Variants in ARFGEF2 observed in about 807,000 individuals in gnomAD.
ARFGEF2 encodes brefeldin A-inhibited guanine nucleotide-exchange protein 2.
ARFGEF2 carries 74 observed loss-of-function variants against 219.9 expected under a neutral mutation model. That is an observed-to-expected ratio of 0.34 (90% confidence interval 0.28 to 0.41). The LOEUF (loss-of-function observed/expected upper bound fraction) is 0.41. Ranked by LOEUF, ARFGEF2 falls within the 10% of genes least tolerant of loss-of-function variation. ARFGEF2 has a pLI of 1.00. For missense variants in ARFGEF2, 1,743 were observed against 2,218.3 expected (o/e 0.79, Z 4.30); for synonymous variants, 733 against 799.2 (o/e 0.92, Z 1.40).
intron 15 of ARFGEF2, 93 bp downstream of exon 15, chr20:48,984,933 T>C (rs2091318008): frequency 6.3e-7 from 1 of 1,599,076 alleles, no homozygotes; most frequent in Admixed American, 1.7e-5. Flanking sequence ...TGGCCCTAAG[T>C]ACATTGTCTG....
intron 6 of ARFGEF2, among the ~76,000 whole-genome samples, chr20:48,961,513 GA>G (rs1244069590): frequency 6.6e-6 from 1 of 152,086 alleles, no homozygotes; most frequent in Non-Finnish European, 1.5e-5. Flanking sequence ...ACCTGCCTGA[GA>G]CTTTTTTACA....
chr20:49,004,494 GA>G (rs972305937), intron 25 of ARFGEF2, among the ~76,000 whole-genome samples: 11 of 145,624 alleles, frequency 7.6e-5, no homozygotes, highest in East Asian at 2.0e-4. Flanking sequence ...AATAGCAAAA[GA>G]AAAAAAAAAG....
chr20:49,013,990 T>G, intron 30 of ARFGEF2, 30 bp downstream of exon 30: 3 of 1,613,362 alleles, frequency 1.9e-6, no homozygotes, highest in Non-Finnish European at 2.5e-6. Flanking sequence ...CTGCCCTAGG[T>G]ATGATGGAGA....
chr20:48,945,754 C>T (rs569764809), intron 3 of ARFGEF2, among the ~76,000 whole-genome samples: 3 of 152,280 alleles, frequency 2.0e-5, no homozygotes, highest in African/African-American at 7.2e-5. Context: ...GTCCCAGTTA[C>T]TCAGAAGGCA....
chr20:48,970,849 G>A (rs2091222804), intron 9 of ARFGEF2, among the ~76,000 whole-genome samples: 3 of 152,022 alleles, frequency 2.0e-5, no homozygotes, highest in Non-Finnish European at 4.4e-5. Flanking sequence ...TGCAGAACTC[G>A]CTCTCCAGAA....
rs1005420995 is a variant in ARFGEF2 at position 48,993,527 on chromosome 20, T to C, written c.2974-924T>C. On this transcript the variant is annotated intron_variant, in intron 21 of 38. Coordinates refer to ENST00000371917, the MANE Select transcript of ARFGEF2 (RefSeq NM_006420.3). Reference sequence around the variant, plus strand: ...AGTGGTATAGTGGAGTCCTGGACTCTGGGACTGAGTTGTAAGGTCAGCGTA... The same window carrying C: ...AGTGGTATAGTGGAGTCCTGGACTCCGGGACTGAGTTGTAAGGTCAGCGTA... Among the ~76,000 whole-genome samples, 5 of 152,352 alleles carry C rather than the reference T, an allele frequency of 3.3e-5. No individual in the cohort carries two copies. The East Asian group carries it at 9.6e-4, about 29-fold the overall frequency.
intron 1 of ARFGEF2, among the ~76,000 whole-genome samples, chr20:48,928,143 G>A (rs1299835615): frequency 6.6e-6 from 1 of 151,882 alleles, no homozygotes; most frequent in African/African-American, 2.4e-5. Context: ...CACAGTACCT[G>A]GCACCTAACA....
At chr20:48,988,417 T>A in intron 17 of ARFGEF2, 29 bp downstream of exon 17, 1 of 1,611,742 alleles carries the variant, frequency 6.2e-7, no homozygotes, top group South Asian at 1.1e-5. Context: ...TTACATGTTG[T>A]ATTAGCTAAA....
Position 49,017,243 on chromosome 20 carries a change from T to C in ARFGEF2, c.4316-6T>C. 1 of 1,613,836 alleles carries C rather than the reference T, an allele frequency of 6.2e-7. No individual in the cohort carries two copies. Among genetic ancestry groups the C allele is most frequent in the Non-Finnish European group, 8.5e-7 (1 of 1,179,938 alleles). ...GTTTAATGATAGATACTGCTTTATT[T>C]TACAGATAATGAACAGTTGGCGCGA... On this transcript the variant is annotated splice_region_variant and splice_polypyrimidine_tract_variant and intron_variant, in intron 31 of 38. Transcript: ENST00000371917.
Position 49,012,010 on chromosome 20 carries a change from G to A in ARFGEF2, c.3844G>A (p.Ala1282Thr), listed in dbSNP as rs770317385. Residue 1282 changes from alanine (A) to threonine (T), a missense_variant, in exon 28 of 39, where the codon GCT becomes ACT. Ala to Thr is a moderately conservative substitution (Grantham distance 58). Coordinates refer to ENST00000371917, the MANE Select transcript of ARFGEF2 (RefSeq NM_006420.3). ...KCLSEFACNAAFPDTSMEAIR... is the reference protein window; with the variant it reads ...KCLSEFACNATFPDTSMEAIR... The stretch of plus-strand genomic sequence containing the variant: ...CTTATCAGAGTTCGCCTGCAACGCC[G>A]CTTTCCCTGACACGAGCATGGAAGC... 3.7e-6 allele frequency: 6 copies of A among 1,614,174 alleles called. No individual in the cohort carries two copies. In the East Asian group the frequency reaches 1.1e-4, roughly 30 times the overall value.
At chr20:48,922,696 G>A (rs1343752828) in intron 1 of ARFGEF2, among the ~76,000 whole-genome samples, 1 of 152,250 alleles carries the variant, frequency 6.6e-6, no homozygotes, top group Non-Finnish European at 1.5e-5. Context: ...TTTGCTGATT[G>A]AATGGACCCT....
chr20:49,017,536 T>A lies in ARFGEF2; in HGVS notation c.4495T>A (p.Ser1499Thr). The A allele has an allele frequency of 6.2e-7, 1 of 1,614,098 alleles. No individual in the cohort carries two copies. Among genetic ancestry groups the A allele is most frequent in the Non-Finnish European group, 8.5e-7 (1 of 1,180,004 alleles). The change falls in exon 33 of 39, where the codon TCA becomes ACA. Residue 1499 changes from serine to threonine, a missense_variant. Ser to Thr is a moderately conservative substitution (Grantham distance 58). This residue lies in a region of ARFGEF2 where 578 missense variants were observed against 664.0 expected (regional missense o/e 0.87). Transcript: ENST00000371917. ...WRPVGMEEDS[S>T]EKHLDVDLDR... Reference sequence around the variant, plus strand: ...ACCTGTAGGAATGGAGGAAGATTCATCAGAAAAGCATTTGGTAGGATTTGG... The same window carrying A: ...ACCTGTAGGAATGGAGGAAGATTCAACAGAAAAGCATTTGGTAGGATTTGG...
rs1961118833 is a variant in ARFGEF2, at chr20:48,973,244, A to G, written c.1625A>G (p.Gln542Arg). 4.3e-6 allele frequency: 7 copies of G among 1,614,210 alleles called. No individual in the cohort carries two copies. The highest frequency in any genetic ancestry group is 5.9e-6 in the Non-Finnish European group (7 of 1,180,030). ...RLVNDLSKIA[Q>R]GRSGHELGMT... ...GTAAATGATTTATCCAAAATTGCTCAGGGAAGAAGTGGACATGAGCTGGGA... is the reference window on the plus strand; with the variant it reads ...GTAAATGATTTATCCAAAATTGCTCGGGGAAGAAGTGGACATGAGCTGGGA... The change falls in exon 12 of 39, where the codon CAG becomes CGG. Residue 542 changes from glutamine (Q) to arginine (R), a missense_variant. Around this residue, in one of 5 missense-constraint regions of ARFGEF2, gnomAD observed 666 missense variants for 955.4 expected, o/e 0.70. Coordinates refer to ENST00000371917, the MANE Select transcript of ARFGEF2 (RefSeq NM_006420.3).
intron 3 of ARFGEF2, among the ~76,000 whole-genome samples, chr20:48,944,896 T>C (rs2091016711): frequency 6.6e-6 from 1 of 152,186 alleles, no homozygotes; most frequent in Non-Finnish European, 1.5e-5. Context: ...TGTCTTAGTC[T>C]GCTTGGGTTG....
At position 48,995,850 on chromosome 20, in the gene ARFGEF2, C is replaced by G; in HGVS notation, c.3189C>G (p.Thr1063=). Residue 1063 remains threonine (T), a synonymous_variant, in exon 23 of 39, where the codon ACC becomes ACG. Coordinates refer to ENST00000371917, the MANE Select transcript of ARFGEF2 (RefSeq NM_006420.3). ...MASFQESVGE[T]SSQSVVVAVD... ...GCTTCCAAGAATCGGTTGGTGAGAC[C>G]AGCTCGCAGAGTGTGGTTGTAGCTG... is the stretch of plus-strand genomic sequence containing the variant. The G allele has an allele frequency of 1.2e-6, 2 of 1,614,116 alleles. No homozygotes were observed. The highest frequency in any genetic ancestry group is 1.7e-6 in the Non-Finnish European group (2 of 1,180,014).
At chr20:48,977,952 C>A (rs2091272381) in intron 14 of ARFGEF2, among the ~76,000 whole-genome samples, 1 of 152,124 alleles carries the variant, frequency 6.6e-6, no homozygotes, top group African/African-American at 2.4e-5. Flanking sequence ...ATGGTAGTTT[C>A]TTTTGCTGTG....
intron 3 of ARFGEF2, among the ~76,000 whole-genome samples, chr20:48,943,958 G>A (rs183956964): frequency 2.5e-4 from 38 of 152,298 alleles, no homozygotes; most frequent in Admixed American, 1.1e-3. Context: ...ATCTACCAAG[G>A]CACAGGACTG....
intron 1 of ARFGEF2, among the ~76,000 whole-genome samples, chr20:48,922,885 A>G (rs1475646701): frequency 6.6e-6 from 1 of 152,238 alleles, no homozygotes; most frequent in Non-Finnish European, 1.5e-5. Flanking sequence ...ACCCCTATGG[A>G]GCTTATACTC....
chr20:48,959,300 A>G (rs566866222), intron 6 of ARFGEF2, among the ~76,000 whole-genome samples: 1 of 152,048 alleles, frequency 6.6e-6, no homozygotes, highest in Non-Finnish European at 1.5e-5. Flanking sequence ...ATATCATAGC[A>G]TCAGAGAAGG....
Sources: allele counts gnomAD v4.1 joint callset (sites outside exome capture counted in the v4.1 genomes callset), GRCh38; gene constraint gnomAD v4.1.1; regional missense constraint gnomAD v4.1.1; transcripts MANE v1.5; gene names NCBI Gene and HGNC (gene_info 2026-07-23, HGNC 2026-07-21).